The following ENAH variants were observed in gnomAD, a reference collection of about 807,000 sequenced individuals.
ENAH encodes the protein ENAH actin regulator, also known as protein enabled homolog.
A neutral mutation model predicts 78.7 loss-of-function variants in ENAH; 23 were observed. That is an observed-to-expected ratio of 0.29 (90% CI 0.21 to 0.41). ENAH has a LOEUF of 0.41. Ranked by LOEUF, ENAH falls within the 10% of genes least tolerant of loss-of-function variation. The pLI is 1.00. For synonymous variants in ENAH, 226 were observed against 241.0 expected (o/e 0.94, Z 0.58); for missense variants, 544 against 691.0 (o/e 0.79, Z 2.39).
intron 3 of ENAH, among the ~76,000 whole-genome samples, chr1:225,550,212 C>A (rs1558797684): frequency 6.6e-6 from 1 of 152,190 alleles, no homozygotes; most frequent in Non-Finnish European, 1.5e-5. Flanking sequence ...ATTCTTCAAA[C>A]ATAGCTGAAA....
chr1:225,528,667 C>A (rs746653665), intron 4 of ENAH, among the ~76,000 whole-genome samples: 3 of 152,090 alleles, frequency 2.0e-5, no homozygotes, highest in Non-Finnish European at 4.4e-5. Flanking sequence ...ATTAGTAGGG[C>A]AAATTTATCA....
Position 225,495,617 on chromosome 1 carries a change from A to C in ENAH, c.*2158T>G, listed in dbSNP as rs1286658860. 1 of 152,452 alleles carries C rather than the reference A, an allele frequency of 6.6e-6. No individual in the cohort carries two copies. The highest frequency in any genetic ancestry group is 6.5e-5 in the Admixed American group (1 of 15,268). The allele number at this position is 152,452 out of a possible 1,614,324, so 9.4% of individuals were successfully genotyped here. On this transcript the variant is annotated 3_prime_UTR_variant, in exon 14 of 14. Coordinates refer to ENST00000366843, the MANE Select transcript of ENAH (RefSeq NM_018212.6). ...ACCACTTGTACCCAGTACTCTACCT[A>C]CTACAGACTATTTAACTTACCCAAC... is the stretch of plus-strand genomic sequence containing the variant.
intron 1 of ENAH, among the ~76,000 whole-genome samples, chr1:225,606,738 G>C (rs997973733): frequency 3.4e-5 from 5 of 147,288 alleles, no homozygotes; most frequent in African/African-American, 1.3e-4. Context: ...AGCTACTTGA[G>C]AGGCTGAGGT....
rs916821013 is a variant in ENAH, at chr1:225,494,564, G to A, written c.*3211C>T. The A allele has an allele frequency of 4.6e-5, 7 of 152,134 alleles. No homozygotes were observed. Among genetic ancestry groups the A allele is most frequent in the African/African-American group, 1.2e-4 (5 of 41,438 alleles). 9.4% of individuals were successfully genotyped at this position (152,134 alleles called of 1,614,324 possible). A position where few individuals can be genotyped will look rare whatever the true frequency, so the allele number is the denominator to read the frequency against. On this transcript the variant is annotated 3_prime_UTR_variant, in exon 14 of 14. Coordinates refer to ENST00000366843, the MANE Select transcript of ENAH (RefSeq NM_018212.6). The stretch of plus-strand genomic sequence containing the variant: ...GGAAGTTACTGTGTCAAGGTGGGCA[G>A]AGAGAAAATAAGAAGAGGGAACACC...
chr1:225,542,506 C>T (rs1007898154), intron 3 of ENAH, among the ~76,000 whole-genome samples: 4 of 152,174 alleles, frequency 2.6e-5, no homozygotes, highest in African/African-American at 9.7e-5. Flanking sequence ...TTGCCCTTGC[C>T]TTCTCTATCT....
chr1:225,634,675 T>A (rs1659746725), intron 1 of ENAH, among the ~76,000 whole-genome samples: 1 of 152,224 alleles, frequency 6.6e-6, no homozygotes, highest in Non-Finnish European at 1.5e-5. Context: ...AGATTATCCC[T>A]TCTCTCAGGA....
Position 225,530,560 on chromosome 1 carries a change from T to G in ENAH, c.428A>C (p.Gln143Pro). The change falls in exon 4 of 14, where the codon CAA becomes CCA. Residue 143 changes from glutamine (Q) to proline (P), a missense_variant. Transcript: ENST00000366843. ...CAATAACTTGAAAATTTACCTTCTT[T>G]GAATTTCCAATTCTTCTTGGGATGG... Reference protein sequence around the residue: ...NGPSQEELEIQRRQLQEQQRQ... With the variant: ...NGPSQEELEIPRRQLQEQQRQ... 6.2e-7 allele frequency: 1 copy of G among 1,611,988 alleles called. No individual in the cohort carries two copies. Among genetic ancestry groups the G allele is most frequent in the Non-Finnish European group, 8.5e-7 (1 of 1,178,216 alleles).
At chr1:225,580,044 C>T (rs571109981) in intron 1 of ENAH, 2 of 152,168 alleles carry the variant, frequency 1.3e-5, no homozygotes, top group East Asian at 1.9e-4. Context: ...TCTAAGTATA[C>T]ACTGTAAGAA....
intron 1 of ENAH, among the ~76,000 whole-genome samples, chr1:225,593,440 A>G (rs2096888044): frequency 7.5e-6 from 1 of 133,610 alleles, no homozygotes; most frequent in Non-Finnish European, 1.6e-5. Flanking sequence ...TAGTATGAGA[A>G]CCCAGAAGTA....
intron 1 of ENAH, among the ~76,000 whole-genome samples, chr1:225,613,158 A>G (rs2097001012): frequency 6.6e-6 from 1 of 152,200 alleles, no homozygotes; most frequent in Admixed American, 6.5e-5. Flanking sequence ...TTCTGCTTAG[A>G]GTACTCTTTT....
intron 7 of ENAH, among the ~76,000 whole-genome samples, 164 bp from the exon 8 acceptor site, chr1:225,513,180 T>G (rs762852598): frequency 6.6e-6 from 1 of 152,244 alleles, no homozygotes; most frequent in Non-Finnish European, 1.5e-5. Context: ...TGACTTTATA[T>G]ATCAACAAGA....
intron 1 of ENAH, among the ~76,000 whole-genome samples, chr1:225,642,914 T>C (rs1661339843): frequency 6.6e-6 from 1 of 152,166 alleles, no homozygotes; most frequent in Non-Finnish European, 1.5e-5. Context: ...CCTATCACAT[T>C]GGCAAAGATT....
At chr1:225,615,561 C>A (rs1311386227) in intron 1 of ENAH, among the ~76,000 whole-genome samples, 1 of 151,040 alleles carries the variant, frequency 6.6e-6, no homozygotes, top group East Asian at 1.9e-4. Flanking sequence ...AAGTGAGGAG[C>A]GCCTCTTCCC....
chr1:225,514,908 A>G lies in ENAH; in HGVS notation c.914-8T>C, dbSNP rs151230297. Reference sequence around the variant, plus strand: ...GTGGTCCCAAGACAATGCCTGAGAGAGAGAAATGTTAAGTAAGACCATCAA... The same window carrying G: ...GTGGTCCCAAGACAATGCCTGAGAGGGAGAAATGTTAAGTAAGACCATCAA... On this transcript the variant is annotated splice_region_variant and splice_polypyrimidine_tract_variant and intron_variant, in intron 6 of 13. Coordinates refer to ENST00000366843, the MANE Select transcript of ENAH (RefSeq NM_018212.6). 30,066 of 1,607,754 alleles carry G rather than the reference A, an allele frequency of 0.019. 501 individuals carry two copies. Among genetic ancestry groups the G allele is most frequent in the East Asian group, 0.081 (3,634 of 44,808 alleles).
At chr1:225,588,835 T>C (rs2096861050) in intron 1 of ENAH, among the ~76,000 whole-genome samples, 1 of 147,656 alleles carries the variant, frequency 6.8e-6, no homozygotes, top group Non-Finnish European at 1.5e-5. Flanking sequence ...AGGAAAAAAC[T>C]TGGCAGTTTC....
intron 3 of ENAH, among the ~76,000 whole-genome samples, chr1:225,532,172 A>G (rs571094506): frequency 1.3e-5 from 2 of 152,214 alleles, no homozygotes; most frequent in South Asian, 2.1e-4. Flanking sequence ...AGACTCTCCT[A>G]TTAGGCTATA....
At chr1:225,502,725 C>T (rs2096290420) in intron 11 of ENAH, among the ~76,000 whole-genome samples, 2 of 152,082 alleles carry the variant, frequency 1.3e-5, no homozygotes, top group South Asian at 4.1e-4. Flanking sequence ...TCTTACTTTG[C>T]TAGGGAAGAC....
intron 1 of ENAH, among the ~76,000 whole-genome samples, chr1:225,622,949 T>C (rs547259536): frequency 6.6e-6 from 1 of 152,200 alleles, no homozygotes; most frequent in African/African-American, 2.4e-5. Context: ...GGATAAGACA[T>C]AAAGAGAAAT....
chr1:225,535,453 G>T (rs944077171), intron 3 of ENAH: 2 of 1,152,614 alleles, frequency 1.7e-6, no homozygotes, highest in African/African-American at 1.6e-5. Context: ...ATGGAAATGC[G>T]CAAGTAGCAT....
Sources: allele counts gnomAD v4.1 joint callset (sites outside exome capture counted in the v4.1 genomes callset), GRCh38; gene constraint gnomAD v4.1.1; transcripts MANE v1.5; gene names NCBI Gene and HGNC (gene_info 2026-07-23, HGNC 2026-07-21).